The following SLCO3A1 variants were observed in gnomAD, a reference collection of about 807,000 sequenced individuals.
The protein encoded by SLCO3A1 is solute carrier organic anion transporter family member 3A1, also known as PGE1 transporter.
Under a neutral mutation model 63.1 loss-of-function variants are expected in SLCO3A1, and 27 were observed. That is an observed-to-expected ratio of 0.43 (90% CI 0.32 to 0.59). The LOEUF is 0.59. Among genes scored for constraint, SLCO3A1 ranks in the 20% least tolerant of loss-of-function variants. The pLI is 0.09. For missense variants in SLCO3A1, 773 were observed against 945.8 expected, an observed-to-expected ratio of 0.82 and a Z score of 2.40; for synonymous variants, 473 against 409.9, an observed-to-expected ratio of 1.15 and a Z score of -1.86.
At chr15:92,085,207 AC>A (rs2047390942) in intron 2 of SLCO3A1, among the ~76,000 whole-genome samples, 1 of 152,112 alleles carries the variant, frequency 6.6e-6, no homozygotes, top group Non-Finnish European at 1.5e-5. Context: ...TCTGAATCCC[AC>A]CCCACCTGCC....
rs553329917 is a variant in SLCO3A1, at chr15:92,163,704, A to G, written c.*569A>G. 2.0e-6 allele frequency: 2 copies of G among 985,322 alleles called. No homozygotes were observed. The highest frequency in any genetic ancestry group is 1.2e-6 in the Non-Finnish European group (1 of 829,978). 61.0% of individuals were successfully genotyped at this position (985,322 alleles called of 1,614,324 possible). A position where few individuals can be genotyped will look rare whatever the true frequency, so the allele number is the denominator to read the frequency against. ...CACTCCTCTCTCTGACTTTCGCAAT[A>G]TGGGTCACTGTGTAGACGACTCACC... On this transcript the variant is annotated 3_prime_UTR_variant, in exon 10 of 10. Coordinates refer to ENST00000318445, the MANE Select transcript of SLCO3A1 (RefSeq NM_013272.4).
In SLCO3A1 at chr15:91,894,260, A is replaced by G. The variant is rs964400832; in HGVS notation, c.181-21733A>G. Among the ~76,000 whole-genome samples, 3 of 151,996 alleles carry G rather than the reference A, an allele frequency of 2.0e-5. No homozygotes were observed. The highest frequency in any genetic ancestry group is 2.1e-4 in the South Asian group (1 of 4,824). Reference sequence around the variant, plus strand: ...GGGCAGGGGTGGGGGGTTTTATAGCATCTTGCAGGCCAGGAGGGTCCGGAG... The same window carrying G: ...GGGCAGGGGTGGGGGGTTTTATAGCGTCTTGCAGGCCAGGAGGGTCCGGAG... On this transcript the variant is annotated intron_variant, in intron 1 of 9. Coordinates refer to ENST00000318445, the MANE Select transcript of SLCO3A1 (RefSeq NM_013272.4). This position sits in a 1 kb window ranked among gnomAD's most constrained non-coding sequence, Gnocchi z 4.8.
chr15:92,088,973 G>T (rs1183070481), intron 2 of SLCO3A1, among the ~76,000 whole-genome samples: 1 of 151,920 alleles, frequency 6.6e-6, no homozygotes, highest in Non-Finnish European at 1.5e-5. Context: ...TGGAACCCCT[G>T]TGAGTCCACT....
At chr15:91,879,822 A>C (rs935816508) in intron 1 of SLCO3A1, among the ~76,000 whole-genome samples, 2 of 152,298 alleles carry the variant, frequency 1.3e-5, no homozygotes. Flanking sequence ...TAGTGGTTCA[A>C]TTCTGACATG....
At chr15:92,061,833 G>T (rs182848874) in intron 2 of SLCO3A1, among the ~76,000 whole-genome samples, 4 of 152,330 alleles carry the variant, frequency 2.6e-5, no homozygotes, top group Admixed American at 1.3e-4. Flanking sequence ...GGATGCACAT[G>T]TACATCCTTA....
intron 2 of SLCO3A1, among the ~76,000 whole-genome samples, chr15:92,040,963 G>A (rs1286007506): frequency 6.6e-6 from 1 of 152,088 alleles, no homozygotes; most frequent in Non-Finnish European, 1.5e-5. Context: ...AGTCCTCTGG[G>A]CATGTGTCCT....
chr15:92,134,786 G>C (rs2048036202), intron 7 of SLCO3A1, among the ~76,000 whole-genome samples: 1 of 152,122 alleles, frequency 6.6e-6, no homozygotes, highest in African/African-American at 2.4e-5. Flanking sequence ...TAAAGGTTAG[G>C]TGGTTAGGTT....
chr15:91,940,795 T>C (rs139210389), intron 2 of SLCO3A1, among the ~76,000 whole-genome samples: 4 of 152,052 alleles, frequency 2.6e-5, no homozygotes, highest in African/African-American at 9.6e-5. Context: ...GAGATGTGAG[T>C]GAGTGAGTGG....
At chr15:91,902,042 G>T (rs1364677433) in intron 1 of SLCO3A1, among the ~76,000 whole-genome samples, 1 of 151,358 alleles carries the variant, frequency 6.6e-6, no homozygotes, top group East Asian at 1.9e-4. Flanking sequence ...AATTCTTAGT[G>T]ATTATTTTCC....
intron 7 of SLCO3A1, among the ~76,000 whole-genome samples, chr15:92,131,838 G>A (rs1402408091): frequency 6.8e-6 from 1 of 146,108 alleles, no homozygotes; most frequent in East Asian, 1.9e-4. Flanking sequence ...CCAGCTCATT[G>A]CTTCCTCCAG....
rs986684394 is a variant in SLCO3A1, at chr15:92,164,093, A to G, written c.*958A>G. On this transcript the variant is annotated 3_prime_UTR_variant, in exon 10 of 10. Coordinates refer to ENST00000318445, the MANE Select transcript of SLCO3A1 (RefSeq NM_013272.4). Reference sequence around the variant, plus strand: ...ACTGTTGTATGTATAATCCTCTAATACTATTTTTAACTACTTCTAAAATCT... The same window carrying G: ...ACTGTTGTATGTATAATCCTCTAATGCTATTTTTAACTACTTCTAAAATCT... 1.0e-6 allele frequency: 1 copy of G among 978,380 alleles called. No individual in the cohort carries two copies. Among genetic ancestry groups the G allele is most frequent in the Non-Finnish European group, 1.2e-6 (1 of 823,494 alleles). 60.6% of individuals were successfully genotyped at this position (978,380 alleles called of 1,614,324 possible).
intron 2 of SLCO3A1, among the ~76,000 whole-genome samples, chr15:92,021,701 T>C (rs768029981): frequency 6.6e-6 from 1 of 152,208 alleles, no homozygotes; most frequent in Non-Finnish European, 1.5e-5. Context: ...CAAAAATGAA[T>C]AAGACACAGC....
At chr15:91,874,058 G>A (rs1366628459) in intron 1 of SLCO3A1, among the ~76,000 whole-genome samples, 1 of 151,990 alleles carries the variant, frequency 6.6e-6, no homozygotes, top group Non-Finnish European at 1.5e-5. Context: ...TGGAACCTTG[G>A]ATAGTACTAA....
chr15:92,046,860 C>T (rs968580523), intron 2 of SLCO3A1, among the ~76,000 whole-genome samples: 4 of 148,676 alleles, frequency 2.7e-5, no homozygotes, highest in Admixed American at 7.0e-5. Flanking sequence ...AGACTGTTTT[C>T]AATAGGGCTG....
chr15:92,171,752 T>C (rs953154964), intron 10 of SLCO3A1: 2 of 1,484,424 alleles, frequency 1.3e-6, no homozygotes, highest in Non-Finnish European at 1.8e-6. Flanking sequence ...TTTTTCCTCT[T>C]GGCTCTTCTT....
In SLCO3A1 at chr15:92,104,461, G is replaced by C. The variant is rs748230544; in HGVS notation, c.928G>C (p.Glu310Gln). ...EQAMLSEREY[E>Q]RPKPSNGVLR... ...GGCCATGCTCTCCGAAAGAGAATAC[G>C]AGAGACCCAAGCCCAGCAACGGGGT... The change falls in exon 4 of 10, where the codon GAG (glutamate) becomes CAG (glutamine). Residue 310 changes from glutamate to glutamine, a missense_variant. Glu to Gln is a conservative substitution (Grantham distance 29). Transcript: ENST00000318445. 2.5e-6 allele frequency: 4 copies of C among 1,614,134 alleles called. No individual in the cohort carries two copies. The highest frequency in any genetic ancestry group is 2.5e-6 in the Non-Finnish European group (3 of 1,180,024).
At chr15:92,040,795 T>G (rs1030398647) in intron 2 of SLCO3A1, among the ~76,000 whole-genome samples, 2 of 152,184 alleles carry the variant, frequency 1.3e-5, no homozygotes, top group African/African-American at 4.8e-5. Flanking sequence ...TTACTGTCCT[T>G]TGACTATGGG....
At chr15:91,890,877 G>A (rs1897852597) in intron 1 of SLCO3A1, among the ~76,000 whole-genome samples, 1 of 152,184 alleles carries the variant, frequency 6.6e-6, no homozygotes, top group African/African-American at 2.4e-5. Flanking sequence ...TCAGAAGAAA[G>A]GTAGACATTG....
At chr15:91,957,417 T>C (rs938688277) in intron 2 of SLCO3A1, among the ~76,000 whole-genome samples, 26 of 151,746 alleles carry the variant, frequency 1.7e-4, no homozygotes, top group African/African-American at 5.8e-4. Context: ...AAAGCTCATC[T>C]TCCTGTGGCC....
Sources: allele counts gnomAD v4.1 joint callset (sites outside exome capture counted in the v4.1 genomes callset), GRCh38; gene constraint gnomAD v4.1.1; non-coding constraint Gnocchi (gnomAD v3.1); transcripts MANE v1.5; gene names NCBI Gene and HGNC (gene_info 2026-07-23, HGNC 2026-07-21).